The following ZBTB8A variants were observed in gnomAD, a reference collection of about 807,000 sequenced individuals.
The protein encoded by ZBTB8A is zinc finger and BTB domain-containing protein 8A.
In ZBTB8A, 19 loss-of-function variants were observed where a neutral mutation model predicts 37.8. That is an observed-to-expected ratio of 0.50 (90% CI 0.35 to 0.74). The LOEUF is 0.74. Ranked by LOEUF, ZBTB8A falls within the 30% of genes least tolerant of loss-of-function variation. The probability of loss-of-function intolerance (pLI) is 0.01; values close to 1 mark genes in which losing one functional copy is unlikely to be tolerated. For missense variants in ZBTB8A, 394 were observed against 537.8 expected (o/e 0.73, Z 2.65); for synonymous variants, 181 against 185.2 (o/e 0.98, Z 0.19).
At chr1:32,556,751 C>T (rs963716268) in intron 2 of ZBTB8A, among the ~76,000 whole-genome samples, 2 of 151,858 alleles carry the variant, frequency 1.3e-5, no homozygotes, top group Admixed American at 6.6e-5. Flanking sequence ...GTGGCGGGCA[C>T]CTCTAGTCCC....
chr1:32,581,527 T>G (rs1407869664), intron 2 of ZBTB8A, among the ~76,000 whole-genome samples: 1 of 151,070 alleles, frequency 6.6e-6, no homozygotes, highest in Admixed American at 6.7e-5. Context: ...AATTTTTGTA[T>G]TTTTAGTAGA....
chr1:32,591,120 G>T (rs1331304291), intron 2 of ZBTB8A, among the ~76,000 whole-genome samples: 3 of 150,704 alleles, frequency 2.0e-5, no homozygotes, highest in African/African-American at 4.9e-5. Flanking sequence ...TGTTGGCCAG[G>T]CTGGTCTTGA....
chr1:32,556,592 A>G (rs1017720117), intron 2 of ZBTB8A, among the ~76,000 whole-genome samples: 1 of 151,808 alleles, frequency 6.6e-6, no homozygotes, highest in African/African-American at 2.4e-5. Flanking sequence ...AAAGCAAGGT[A>G]TAGGGCCGGG....
rs555736414 is a variant in ZBTB8A, at chr1:32,605,704, C to CAAAAAAAAA, written c.*5303_*5311dup. 1.3e-3 allele frequency: 24 copies of CAAAAAAAAA among 18,410 alleles called. 3 individuals carry two copies. Among genetic ancestry groups the CAAAAAAAAA allele is most frequent in the African/African-American group, 3.8e-3 (22 of 5,866 alleles). 1.1% of individuals were successfully genotyped at this position (18,410 alleles called of 1,614,324 possible). On this transcript the variant is annotated 3_prime_UTR_variant, in exon 5 of 5. Coordinates refer to ENST00000373510, the MANE Select transcript of ZBTB8A (RefSeq NM_001040441.3). The stretch of plus-strand genomic sequence containing the variant: ...TGGGTGACAGAGCGAGACTCCACCT[C>CAAAAAAAAA]AAAAAAAAAAAAAAAAAAAAAAAAA...
At chr1:32,585,776 G>T (rs973510008) in intron 2 of ZBTB8A, among the ~76,000 whole-genome samples, 1 of 152,064 alleles carries the variant, frequency 6.6e-6, no homozygotes, top group African/African-American at 2.4e-5. Context: ...GCCAAGGTGG[G>T]TGGATCACCT....
chr1:32,541,511 TATTA>T (rs1303597051), intron 1 of ZBTB8A, among the ~76,000 whole-genome samples: 1 of 152,256 alleles, frequency 6.6e-6, no homozygotes, highest in African/African-American at 2.4e-5. Context: ...TAAGTGTTTT[TATTA>T]ATTCTAAATC....
chr1:32,582,172 A>C (rs952994734), intron 2 of ZBTB8A, among the ~76,000 whole-genome samples: 3 of 152,198 alleles, frequency 2.0e-5, no homozygotes, highest in Non-Finnish European at 2.9e-5. Context: ...AAAATCTGAA[A>C]TGCTCCAAAA....
At chr1:32,581,842 T>C (rs978520595) in intron 2 of ZBTB8A, among the ~76,000 whole-genome samples, 2 of 152,224 alleles carry the variant, frequency 1.3e-5, no homozygotes, top group Admixed American at 6.6e-5. Flanking sequence ...GGCGGCAGGA[T>C]GGAGTGAGTG....
At chr1:32,572,685 C>G (rs1246499848) in intron 2 of ZBTB8A, among the ~76,000 whole-genome samples, 2 of 152,180 alleles carry the variant, frequency 1.3e-5, no homozygotes, top group South Asian at 4.1e-4. Flanking sequence ...GCATGAACCA[C>G]TATGCCCGGC....
chr1:32,545,726 T>C (rs189712385), intron 1 of ZBTB8A, among the ~76,000 whole-genome samples: 16 of 152,310 alleles, frequency 1.1e-4, no homozygotes, highest in Admixed American at 5.9e-4. Context: ...TTTAATACGC[T>C]GTTTTTGCCT....
intron 2 of ZBTB8A, among the ~76,000 whole-genome samples, chr1:32,561,020 T>C (rs928847801): frequency 2.0e-5 from 3 of 152,054 alleles, no homozygotes; most frequent in African/African-American, 7.2e-5. Context: ...GCTCTCTGAT[T>C]TGATCAAATA....
At chr1:32,579,618 C>A (rs867532866) in intron 2 of ZBTB8A, among the ~76,000 whole-genome samples, 12 of 152,076 alleles carry the variant, frequency 7.9e-5, no homozygotes, top group Admixed American at 2.6e-4. Flanking sequence ...CCAGGCACCT[C>A]ATGTTCCTGA....
rs900052878 is a variant in ZBTB8A, at chr1:32,595,040, G to C, written c.824-14G>C. ...TGAACTTTCCAGTGATTTAATCAAAGCGTCTCTTGACAGATGATCTGCCTC... is the reference window on the plus strand; with the variant it reads ...TGAACTTTCCAGTGATTTAATCAAACCGTCTCTTGACAGATGATCTGCCTC... On this transcript the variant is annotated splice_polypyrimidine_tract_variant and intron_variant, in intron 3 of 4. Transcript: ENST00000373510. 1 of 1,602,796 alleles carries C rather than the reference G, an allele frequency of 6.2e-7. No individual in the cohort carries two copies. The highest frequency in any genetic ancestry group is 1.3e-5 in the African/African-American group (1 of 74,576).
chr1:32,602,930 T>C lies in ZBTB8A; in HGVS notation c.*2511T>C, dbSNP rs1282915459. 2 of 152,258 alleles carry C rather than the reference T, an allele frequency of 1.3e-5. No homozygotes were observed. Among genetic ancestry groups the C allele is most frequent in the South Asian group, 2.1e-4 (1 of 4,838 alleles). 9.4% of individuals were successfully genotyped at this position (152,258 alleles called of 1,614,324 possible). A position where few individuals can be genotyped will look rare whatever the true frequency, so the allele number is the denominator to read the frequency against. ...TTACTATTTTCTCTTGTTCTTTCAT[T>C]AATTATTGTCCTTGATACCAATTTC... On this transcript the variant is annotated 3_prime_UTR_variant, in exon 5 of 5. Transcript: ENST00000373510.
In ZBTB8A at chr1:32,548,154, A is replaced by T. The variant is rs937491726; in HGVS notation, c.-83-5305A>T. 2.0e-5 allele frequency among the ~76,000 whole-genome samples: 3 copies of T among 151,360 alleles called. No homozygotes were observed. The East Asian group carries it at 5.8e-4, about 29-fold the overall frequency. ...TCTCAAATTAAAAAAAAAAAAAAAAAAAAAAAAAGAATAATCCTTCCTTAA... is the reference window on the plus strand; with the variant it reads ...TCTCAAATTAAAAAAAAAAAAAAAATAAAAAAAAGAATAATCCTTCCTTAA... On this transcript the variant is annotated intron_variant, in intron 1 of 4. Coordinates refer to ENST00000373510, the MANE Select transcript of ZBTB8A (RefSeq NM_001040441.3).
At chr1:32,557,037 C>G (rs754138804) in intron 2 of ZBTB8A, among the ~76,000 whole-genome samples, 1 of 152,132 alleles carries the variant, frequency 6.6e-6, no homozygotes, top group Non-Finnish European at 1.5e-5. Flanking sequence ...TGCGGTGGCT[C>G]ACACCTGTAA....
intron 4 of ZBTB8A, among the ~76,000 whole-genome samples, chr1:32,599,131 C>T (rs527492072): frequency 6.6e-6 from 1 of 151,920 alleles, no homozygotes; most frequent in Non-Finnish European, 1.5e-5. Context: ...TAAATTTATG[C>T]AATATTTTTC....
Position 32,562,271 on chromosome 1 carries a change from A to T in ZBTB8A, c.-2+8731A>T, listed in dbSNP as rs111297339. Among the ~76,000 whole-genome samples the T allele has an allele frequency of 5.1e-3, 771 of 150,306 alleles. 11 individuals are homozygous for T. The highest frequency in any genetic ancestry group is 0.044 in the East Asian group (224 of 5,042). On this transcript the variant is annotated intron_variant, in intron 2 of 4. Coordinates refer to ENST00000373510, the MANE Select transcript of ZBTB8A (RefSeq NM_001040441.3). Reference sequence around the variant, plus strand: ...CTGCCCAGCCCCTGAGCTATTTTTTAAAATTATTTTTTGAGATGGAGTTTT... The same window carrying T: ...CTGCCCAGCCCCTGAGCTATTTTTTTAAATTATTTTTTGAGATGGAGTTTT...
At chr1:32,581,001 CTACCTCTTAATACTGT>C (rs1280435141) in intron 2 of ZBTB8A, among the ~76,000 whole-genome samples, 3 of 147,204 alleles carry the variant, frequency 2.0e-5, no homozygotes, top group African/African-American at 5.0e-5. Context: ...CTTCTTTAAT[CTACCTCTTAATACTGT>C]TACCTCTTAA....
Sources: allele counts gnomAD v4.1 joint callset (sites outside exome capture counted in the v4.1 genomes callset), GRCh38; gene constraint gnomAD v4.1.1; transcripts MANE v1.5; gene names NCBI Gene and HGNC (gene_info 2026-07-23, HGNC 2026-07-21).